MIA2: variants seen among roughly 807,000 people sequenced by gnomAD.
MIA2 encodes melanoma inhibitory activity protein 2.
Under a neutral mutation model 167.8 loss-of-function variants are expected in MIA2, and 127 were observed. The observed-to-expected ratio is 0.76, with a 90% CI of 0.66 to 0.88. The LOEUF is 0.88. Among genes scored for constraint, MIA2 ranks in the 40% least tolerant of loss-of-function variants. The probability of loss-of-function intolerance (pLI) is 0.00; values close to 1 mark genes in which losing one functional copy is unlikely to be tolerated. For missense variants in MIA2, 1,690 were observed against 1,624.7 expected (o/e 1.04, Z -0.69); for synonymous variants, 552 against 541.9 (o/e 1.02, Z -0.26).
intron 10 of MIA2, 46 bp downstream of exon 10, chr14:39,291,142 C>T: frequency 6.6e-7 from 1 of 1,504,984 alleles, no homozygotes; most frequent in Non-Finnish European, 9.0e-7. Flanking sequence ...GAAAAAAATA[C>T]TAAGTAACAA....
At chr14:39,349,126 T>A in intron 28 of MIA2, 149 bp downstream of exon 28, 1 of 1,056,344 alleles carries the variant, frequency 9.5e-7, no homozygotes, top group Non-Finnish European at 1.4e-6. Flanking sequence ...CTTTTCCGAA[T>A]TGGGAAGGCA....
intron 23 of MIA2, among the ~76,000 whole-genome samples, chr14:39,363,329 A>G (rs1319719876): frequency 6.6e-6 from 1 of 152,224 alleles, no homozygotes; most frequent in East Asian, 1.9e-4. Flanking sequence ...CAGGATTTCG[A>G]GACCAGCCTG....
chr14:39,255,281 G>A (rs1043797166), intron 6 of MIA2, among the ~76,000 whole-genome samples: 1 of 152,150 alleles, frequency 6.6e-6, no homozygotes, highest in African/African-American at 2.4e-5. Flanking sequence ...GCCAAAGTGG[G>A]CCGATCAGTT....
intron 11 of MIA2, among the ~76,000 whole-genome samples, chr14:39,293,753 A>G (rs2061037595): frequency 6.6e-6 from 1 of 152,214 alleles, no homozygotes; most frequent in Non-Finnish European, 1.5e-5. Context: ...TTAGTAAAAC[A>G]TGTTAGTGGA....
chr14:39,237,183 T>G, intron 2 of MIA2, 128 bp downstream of exon 2: 1 of 997,926 alleles, frequency 1.0e-6, no homozygotes, highest in East Asian at 2.7e-5. Context: ...TGCAGTGGTG[T>G]GATCACAGCT....
intron 23 of MIA2, among the ~76,000 whole-genome samples, chr14:39,381,444 C>A (rs1173999543): frequency 6.6e-6 from 1 of 152,070 alleles, no homozygotes; most frequent in East Asian, 1.9e-4. Context: ...TTAGCTGGGA[C>A]AAATTGCTTA....
At chr14:39,320,708 T>A (rs1273063348) in intron 23 of MIA2, among the ~76,000 whole-genome samples, 1 of 152,228 alleles carries the variant, frequency 6.6e-6, no homozygotes, top group East Asian at 1.9e-4. Flanking sequence ...TTGATGTTTT[T>A]ATTGCTTAAA....
At chr14:39,298,522 A>G (rs1401927556) in intron 13 of MIA2, among the ~76,000 whole-genome samples, 1 of 17,934 alleles carries the variant, frequency 5.6e-5, no homozygotes, top group African/African-American at 2.0e-4. Context: ...ACTGTTTGGT[A>G]GAACAGAGTT....
downstream of MIA2, among the ~76,000 whole-genome samples, chr14:39,355,165 G>T (rs1019425816): frequency 2.0e-5 from 3 of 150,564 alleles, no homozygotes. Context: ...CCATTTTCAC[G>T]ATATTGATTC....
intron 17 of MIA2, among the ~76,000 whole-genome samples, chr14:39,308,241 C>T (rs1338516399): frequency 6.6e-6 from 1 of 151,914 alleles, no homozygotes; most frequent in Non-Finnish European, 1.5e-5. Context: ...TCACACTGTA[C>T]CACATAAATA....
At chr14:39,300,068 A>G in intron 14 of MIA2, 82 bp downstream of exon 14, 1 of 1,509,382 alleles carries the variant, frequency 6.6e-7, no homozygotes, top group Non-Finnish European at 8.9e-7. Flanking sequence ...GTTTTTAGCA[A>G]CTTTTATTTT....
intron 25 of MIA2, among the ~76,000 whole-genome samples, chr14:39,330,582 G>C (rs948537334): frequency 2.0e-5 from 3 of 151,998 alleles, no homozygotes; most frequent in African/African-American, 7.2e-5. Context: ...TTTCCCGCTT[G>C]ATCTCCTGTG....
chr14:39,295,109 T>C (rs1050318388), intron 13 of MIA2, 80 bp downstream of exon 13: 1 of 935,206 alleles, frequency 1.1e-6, no homozygotes. Flanking sequence ...TGACCCATGC[T>C]AGGGACAAGT....
intron 6 of MIA2, among the ~76,000 whole-genome samples, chr14:39,257,427 A>G (rs1465523267): frequency 1.3e-5 from 2 of 149,310 alleles, no homozygotes; most frequent in Middle Eastern, 6.8e-3. Context: ...TTTGCTTTCC[A>G]TTTGCTTGGT....
intron 9 of MIA2, among the ~76,000 whole-genome samples, chr14:39,280,910 AGTTT>A (rs1173928764): frequency 7.5e-5 from 5 of 66,548 alleles, no homozygotes; most frequent in Admixed American, 1.7e-4. Flanking sequence ...TTATTAGTTT[AGTTT>A]TTTTTTTTTT....
At chr14:39,353,489 C>T (rs769161722), downstream of MIA2, among the ~76,000 whole-genome samples, 73 of 152,242 alleles carry the variant, frequency 4.8e-4, 1 homozygote, top group Middle Eastern at 0.01. Flanking sequence ...TTAATGAATT[C>T]CAGTTCCATC....
At chr14:39,271,492 G>T (rs990497666) in intron 6 of MIA2, among the ~76,000 whole-genome samples, 1 of 151,960 alleles carries the variant, frequency 6.6e-6, no homozygotes, top group African/African-American at 2.4e-5. Flanking sequence ...GGAGTCCCTT[G>T]CATTTCTATA....
intron 9 of MIA2, among the ~76,000 whole-genome samples, chr14:39,285,511 G>T (rs1392191550): frequency 1.3e-5 from 2 of 148,160 alleles, no homozygotes; most frequent in South Asian, 2.1e-4. Context: ...GCGGCTGGCC[G>T]GGCGGGGGCT....
intron 17 of MIA2, among the ~76,000 whole-genome samples, chr14:39,307,812 C>T (rs2063603139): frequency 2.0e-5 from 3 of 151,886 alleles, no homozygotes; most frequent in Admixed American, 2.0e-4. Flanking sequence ...CATGAGTGAG[C>T]CTATTTTAAG....
Sources: allele counts gnomAD v4.1 joint callset (sites outside exome capture counted in the v4.1 genomes callset), GRCh38; gene constraint gnomAD v4.1.1; transcripts MANE v1.5; gene names NCBI Gene and HGNC (gene_info 2026-07-23, HGNC 2026-07-21).